Variants in DIAPH2 observed in about 807,000 individuals in gnomAD.
DIAPH2 encodes diaphanous related formin 2.
Under a neutral mutation model 92.7 loss-of-function variants are expected in DIAPH2, and 35 were observed. The ratio of observed to expected loss-of-function variants is 0.38; its 90% confidence interval spans 0.29 to 0.50. DIAPH2 has a LOEUF of 0.50. Among genes scored for constraint, DIAPH2 ranks in the 20% least tolerant of loss-of-function variants. The pLI is 0.94. For synonymous variants in DIAPH2, 301 were observed against 280.4 expected, an observed-to-expected ratio of 1.07 and a Z score of -0.73; for missense variants, 701 against 819.5, an observed-to-expected ratio of 0.86 and a Z score of 1.77.
At chrX:97,435,133 A>C (rs2070169304) in intron 26 of DIAPH2, among the ~76,000 whole-genome samples, 2 of 111,518 alleles carry the variant, frequency 1.8e-5, no homozygotes, top group African/African-American at 6.5e-5. Context: ...AGGGTAAAAA[A>C]CCGATGATTT....
rs1167364629 is a variant in DIAPH2, at chrX:97,601,816, G to A, written c.*2499G>A. The A allele has an allele frequency of 7.2e-5, 8 of 111,830 alleles. No individual in the cohort carries two copies. Among genetic ancestry groups the A allele is most frequent in the African/African-American group, 2.6e-4 (8 of 30,625 alleles). 9.2% of individuals were successfully genotyped at this position (111,830 alleles called of 1,213,427 possible). On this transcript the variant is annotated 3_prime_UTR_variant, in exon 27 of 27. Coordinates refer to ENST00000324765, the MANE Select transcript of DIAPH2 (RefSeq NM_006729.5). ...GGCTTAACACAACAGAAACTTATTTGCTTACATTTTTGAAGGGCAGCAAAG... is the reference window on the plus strand; with the variant it reads ...GGCTTAACACAACAGAAACTTATTTACTTACATTTTTGAAGGGCAGCAAAG...
intron 4 of DIAPH2, among the ~76,000 whole-genome samples, chrX:96,819,140 G>C (rs749486597): frequency 3.8e-4 from 43 of 112,246 alleles, no homozygotes; most frequent in Non-Finnish European, 7.3e-4. Context: ...GTGGTCTGTT[G>C]CCCAAGGGTT....
intron 23 of DIAPH2, chrX:97,340,974 A>G (rs1602520926): frequency 2.0e-5 from 2 of 98,053 alleles, no homozygotes; most frequent in African/African-American, 3.7e-5. Flanking sequence ...CATAAAATGC[A>G]TTTTATAGTA....
chrX:97,603,262 T>G lies in DIAPH2; in HGVS notation c.*3945T>G, dbSNP rs2071605310. On this transcript the variant is annotated 3_prime_UTR_variant, in exon 27 of 27. Coordinates refer to ENST00000324765, the MANE Select transcript of DIAPH2 (RefSeq NM_006729.5). Reference sequence around the variant, plus strand: ...TTATTTTCTCTTTAAAAAAAAATTTTTTTTAATGTATTAGAGATGAGGTCT... The same window carrying G: ...TTATTTTCTCTTTAAAAAAAAATTTGTTTTAATGTATTAGAGATGAGGTCT... 9.0e-6 allele frequency: 1 copy of G among 110,753 alleles called. No homozygotes were observed. Among genetic ancestry groups the G allele is most frequent in the African/African-American group, 3.3e-5 (1 of 30,356 alleles). The allele number at this position is 110,753 out of a possible 1,213,427, so 9.1% of individuals were successfully genotyped here. A position where few individuals can be genotyped will look rare whatever the true frequency, so the allele number is the denominator to read the frequency against.
In DIAPH2 at chrX:97,588,996, A is replaced by AATATATATATATATATATATATAT. The variant is rs199558439; in HGVS notation, c.3242-10249_3242-10226dup. ...ATGCCAAAAATTCAGATATTATAGA[A>AATATATATATATATATATATATAT]ATATATATATATATATATATATATA... On this transcript the variant is annotated intron_variant, in intron 26 of 26. Coordinates refer to ENST00000324765, the MANE Select transcript of DIAPH2 (RefSeq NM_006729.5). Among the ~76,000 whole-genome samples, 98 of 31,698 alleles carry AATATATATATATATATATATATAT rather than the reference A, an allele frequency of 3.1e-3. 10 individuals are homozygous for AATATATATATATATATATATATAT. The highest frequency in any genetic ancestry group is 0.013 in the South Asian group (3 of 227). 27.5% of individuals were successfully genotyped at this position (31,698 alleles called of 115,157 possible). A position where few individuals can be genotyped will look rare whatever the true frequency, so the allele number is the denominator to read the frequency against.
intron 17 of DIAPH2, among the ~76,000 whole-genome samples, chrX:97,006,158 G>C (rs1441824169): frequency 1.8e-5 from 2 of 111,092 alleles, no homozygotes; most frequent in African/African-American, 6.5e-5. Flanking sequence ...ATTCCATTAT[G>C]GTCAAACATT....
intron 21 of DIAPH2, among the ~76,000 whole-genome samples, chrX:97,138,842 G>A (rs952748663): frequency 1.8e-5 from 2 of 111,092 alleles, no homozygotes; most frequent in African/African-American, 6.5e-5. Flanking sequence ...ATACAGGGAT[G>A]CAAAAAGGCA....
At chrX:97,554,175 T>C (rs1450388490) in intron 26 of DIAPH2, among the ~76,000 whole-genome samples, 1 of 111,598 alleles carries the variant, frequency 9.0e-6, no homozygotes. Flanking sequence ...GAAACCAGCC[T>C]CAAATGGTAC....
chrX:96,768,370 T>G (rs1024115122), intron 4 of DIAPH2, among the ~76,000 whole-genome samples: 1 of 111,946 alleles, frequency 8.9e-6, no homozygotes, highest in East Asian at 2.8e-4. Flanking sequence ...ATTCATTCCC[T>G]GTGAGCTTGT....
intron 22 of DIAPH2, among the ~76,000 whole-genome samples, chrX:97,230,334 G>T (rs1188880554): frequency 8.1e-5 from 9 of 111,460 alleles, no homozygotes; most frequent in Non-Finnish European, 1.5e-4. Flanking sequence ...GTAGATTAGA[G>T]GCATTTTTGG....
chrX:97,579,399 GT>G (rs2071422352), intron 26 of DIAPH2, among the ~76,000 whole-genome samples: 1 of 110,765 alleles, frequency 9.0e-6, no homozygotes, highest in African/African-American at 3.3e-5. Flanking sequence ...TGGCTAGCCA[GT>G]TTTCCCAGCA....
chrX:97,130,299 A>T (rs1158340755), intron 21 of DIAPH2, among the ~76,000 whole-genome samples: 1 of 112,163 alleles, frequency 8.9e-6, no homozygotes, highest in African/African-American at 3.2e-5. Flanking sequence ...AGATGATTGC[A>T]TACCAAATTC....
chrX:96,811,760 C>A (rs1159083922), intron 4 of DIAPH2, among the ~76,000 whole-genome samples: 1 of 111,759 alleles, frequency 8.9e-6, no homozygotes, highest in African/African-American at 3.3e-5. Flanking sequence ...AAGGTCTTTT[C>A]TGCATGTATT....
At chrX:96,967,036 A>G (rs1432052733) in intron 17 of DIAPH2, among the ~76,000 whole-genome samples, 1 of 112,170 alleles carries the variant, frequency 8.9e-6, no homozygotes, top group African/African-American at 3.2e-5. Context: ...ATTTTAAAAA[A>G]TAATTTTAAC....
At chrX:97,129,107 T>TTTTC (rs1245082811) in intron 21 of DIAPH2, among the ~76,000 whole-genome samples, 1 of 69,763 alleles carries the variant, frequency 1.4e-5, no homozygotes, top group African/African-American at 6.5e-5. Flanking sequence ...TTTTCTTTTC[T>TTTTC]TTTCTTTTCT....
chrX:96,964,502 C>T (rs776484365), intron 16 of DIAPH2, among the ~76,000 whole-genome samples: 2 of 111,656 alleles, frequency 1.8e-5, no homozygotes, highest in South Asian at 3.7e-4. Flanking sequence ...CTCTGGAGCA[C>T]TTATCTAGGT....
At chrX:96,689,949 G>A (rs1389572684) in intron 1 of DIAPH2, among the ~76,000 whole-genome samples, 1 of 109,240 alleles carries the variant, frequency 9.2e-6, no homozygotes, top group Non-Finnish European at 1.9e-5. Flanking sequence ...GTAAATTGGT[G>A]AAAAGAGGCT....
At chrX:96,789,489 A>C (rs751675603) in intron 4 of DIAPH2, among the ~76,000 whole-genome samples, 111 of 112,230 alleles carry the variant, frequency 9.9e-4, no homozygotes, top group African/African-American at 3.5e-3. Flanking sequence ...GCCTTTCTAT[A>C]AATAGCAGTA....
At chrX:96,988,382 A>G (rs1367708286) in intron 17 of DIAPH2, among the ~76,000 whole-genome samples, 5 of 110,534 alleles carry the variant, frequency 4.5e-5, no homozygotes, top group Non-Finnish European at 9.5e-5. Context: ...ACATACCCTC[A>G]GAAGCAGAAT....
Sources: allele counts gnomAD v4.1 joint callset (sites outside exome capture counted in the v4.1 genomes callset), GRCh38; gene constraint gnomAD v4.1.1; transcripts MANE v1.5; gene names NCBI Gene and HGNC (gene_info 2026-07-23, HGNC 2026-07-21).